PNKD: variants seen among roughly 807,000 people sequenced by gnomAD.
PNKD encodes PNKD metallo-beta-lactamase domain containing, also known as probable thioesterase PNKD.
In PNKD, 36 loss-of-function variants were observed where a neutral mutation model predicts 45.3. The observed-to-expected ratio is 0.80, with a 90% CI of 0.61 to 1.05. The LOEUF (loss-of-function observed/expected upper bound fraction) is 1.05, where lower values mean the gene tolerates loss of function less well. Among genes scored for constraint, PNKD ranks in the 50% least tolerant of loss-of-function variants. The pLI, the probability that PNKD is intolerant of heterozygous loss-of-function variation, is 0.00. For missense variants in PNKD, 511 were observed against 506.6 expected, an observed-to-expected ratio of 1.01 and a Z score of -0.08; for synonymous variants, 197 against 210.1, an observed-to-expected ratio of 0.94 and a Z score of 0.54.
intron 2 of PNKD, among the ~76,000 whole-genome samples, chr2:218,303,405 G>A (rs1693322932): frequency 6.6e-6 from 1 of 151,990 alleles, no homozygotes; most frequent in South Asian, 2.1e-4. Flanking sequence ...GATCTGGGTG[G>A]TATTTTAGGA....
At chr2:218,321,078 G>C (rs1302105329) in intron 2 of PNKD, among the ~76,000 whole-genome samples, 2 of 152,026 alleles carry the variant, frequency 1.3e-5, no homozygotes, top group African/African-American at 4.8e-5. Flanking sequence ...TTAATTGTCT[G>C]GCTTGAGATT....
At chr2:218,275,769 T>C (rs1691139186) in intron 2 of PNKD, 2 of 1,063,016 alleles carry the variant, frequency 1.9e-6, no homozygotes, top group East Asian at 5.0e-5. Flanking sequence ...CTCTATACTG[T>C]AGCTGCTCAC....
At chr2:218,304,451 A>C (rs1388940753) in intron 2 of PNKD, among the ~76,000 whole-genome samples, 1 of 152,014 alleles carries the variant, frequency 6.6e-6, no homozygotes, top group Non-Finnish European at 1.5e-5. Context: ...ACCTGTCTTT[A>C]TGTTTTATAA....
rs1000370456 is a variant in PNKD, at chr2:218,270,761, C to G, written c.67+159C>G. 9.6e-6 allele frequency: 4 copies of G among 416,718 alleles called. No homozygotes were observed. The Admixed American group carries it at 1.7e-4, about 18-fold the overall frequency. 25.8% of individuals were successfully genotyped at this position (416,718 alleles called of 1,614,324 possible). A position where few individuals can be genotyped will look rare whatever the true frequency, so the allele number is the denominator to read the frequency against. ...TGCAGAGATGCTCTTTAGAGGTCAC[C>G]CAGTGCATCCCCCCGCCTTCGGGTT... is the stretch of plus-strand genomic sequence containing the variant. On this transcript the variant is annotated intron_variant, in intron 1 of 9. Coordinates refer to ENST00000273077, the MANE Select transcript of PNKD (RefSeq NM_015488.5).
chr2:218,278,295 T>C, intron 2 of PNKD: 2 of 615,014 alleles, frequency 3.3e-6, no homozygotes, highest in Non-Finnish European at 5.7e-6. Context: ...GCTAAAATGC[T>C]ACCTGTCTTG....
Position 218,297,706 on chromosome 2 carries a change from A to AAG in PNKD, c.236+26163_236+26164dup, listed in dbSNP as rs1553664292. On this transcript the variant is annotated intron_variant, in intron 2 of 9. Coordinates refer to ENST00000273077, the MANE Select transcript of PNKD (RefSeq NM_015488.5). ...TCTCAAAAAAAAAAAAAAAAAAAAAAAGAGAGAAGAAAAGAAATCACAGTG... is the reference window on the plus strand; with the variant it reads ...TCTCAAAAAAAAAAAAAAAAAAAAAAAGAGAGAGAAGAAAAGAAATCACAGTG... Among the ~76,000 whole-genome samples the AAG allele has an allele frequency of 1.5e-3, 170 of 117,172 alleles. 8 individuals are homozygous for AAG. The highest frequency in any genetic ancestry group is 2.1e-3 in the Non-Finnish European group (122 of 58,604). 76.9% of individuals were successfully genotyped at this position (117,172 alleles called of 152,430 possible). A position where few individuals can be genotyped will look rare whatever the true frequency, so the allele number is the denominator to read the frequency against.
At chr2:218,309,921 G>A (rs372355344) in intron 2 of PNKD, among the ~76,000 whole-genome samples, 117 of 150,458 alleles carry the variant, frequency 7.8e-4, no homozygotes, top group African/African-American at 2.8e-3. Flanking sequence ...GCGACAGAGC[G>A]AGATTACGTC....
intron 2 of PNKD, among the ~76,000 whole-genome samples, chr2:218,290,302 G>C (rs1480708172): frequency 6.6e-6 from 1 of 152,178 alleles, no homozygotes; most frequent in Non-Finnish European, 1.5e-5. Flanking sequence ...ACTCCCTTAA[G>C]CCTGAGCCAC....
At chr2:218,295,112 G>A (rs1194800433) in intron 2 of PNKD, among the ~76,000 whole-genome samples, 1 of 152,334 alleles carries the variant, frequency 6.6e-6, no homozygotes, top group East Asian at 1.9e-4. Context: ...TTTCTCCAGA[G>A]CCCTTTTTCT....
At chr2:218,275,756 G>C (rs1446074003) in intron 2 of PNKD, 1 of 1,121,702 alleles carries the variant, frequency 8.9e-7, no homozygotes, top group East Asian at 2.5e-5. Flanking sequence ...CATAACATAT[G>C]GGCTCTATAC....
At chr2:218,292,791 T>C (rs1691740744) in intron 2 of PNKD, among the ~76,000 whole-genome samples, 1 of 152,244 alleles carries the variant, frequency 6.6e-6, no homozygotes, top group Non-Finnish European at 1.5e-5. Context: ...GGGGAAGCGT[T>C]CGCTTTGGGT....
At position 218,271,543 on chromosome 2, in the gene PNKD, T is replaced by C. The variant is rs752738498; in HGVS notation, c.230T>C (p.Leu77Pro). ...AAGAACCCCATGAAAGCTGTGGGAC[T>C]GGCCTGGTGAGTTTTAACCACCCCT... is the stretch of plus-strand genomic sequence containing the variant. Reference protein sequence around the residue: ...RGKNPMKAVGLAWYSLYTRTW... With the variant: ...RGKNPMKAVGPAWYSLYTRTW... Residue 77 changes from leucine (L) to proline (P), a missense_variant, in exon 2 of 10, where the codon CTG becomes CCG. Physicochemically the swap from Leu to Pro is moderately conservative, Grantham distance 98. Coordinates refer to ENST00000273077, the MANE Select transcript of PNKD (RefSeq NM_015488.5). 6.2e-7 allele frequency: 1 copy of C among 1,614,130 alleles called. No individual in the cohort carries two copies.
In PNKD at chr2:218,342,096, G is replaced by C. The variant is rs769143232; in HGVS notation, c.733G>C (p.Gly245Arg). The C allele has an allele frequency of 6.2e-7, 1 of 1,613,840 alleles. No individual in the cohort carries two copies. ...VYLLDGEPYK[G>R]PSCLFSGDLL... Reference sequence around the variant, plus strand: ...CCTACTGGATGGGGAGCCCTACAAGGGTCCCTCCTGCCTCTTCTCAGGGGA... The same window carrying C: ...CCTACTGGATGGGGAGCCCTACAAGCGTCCCTCCTGCCTCTTCTCAGGGGA... The change falls in exon 7 of 10, where the codon GGT becomes CGT. Residue 245 changes from glycine (G) to arginine (R), a missense_variant. Transcript: ENST00000273077.
chr2:218,275,431 TGGAA>T (rs1270847336), intron 2 of PNKD: 4 of 1,588,588 alleles, frequency 2.5e-6, no homozygotes, highest in African/African-American at 1.3e-5. Context: ...CCCTCTAGCT[TGGAA>T]GGGAGAGCCC....
At chr2:218,275,276 A>T in intron 2 of PNKD, 1 of 564,920 alleles carries the variant, frequency 1.8e-6, no homozygotes, top group Non-Finnish European at 2.8e-6. Context: ...AGCAACAGTT[A>T]GTCCCTAGCT....
chr2:218,288,676 C>G (rs1692717047), intron 2 of PNKD, among the ~76,000 whole-genome samples: 1 of 152,138 alleles, frequency 6.6e-6, no homozygotes, highest in Non-Finnish European at 1.5e-5. Flanking sequence ...ATATACATAG[C>G]CCCAAATCCG....
intron 2 of PNKD, among the ~76,000 whole-genome samples, chr2:218,332,950 C>T (rs759764129): frequency 2.0e-5 from 3 of 152,166 alleles, no homozygotes; most frequent in Non-Finnish European, 4.4e-5. Context: ...CCTAAAATTC[C>T]ACACTCCTCC....
chr2:218,339,802 A>G lies in PNKD; in HGVS notation c.256A>G (p.Thr86Ala), dbSNP rs1034759299. Residue 86 changes from threonine to alanine, a missense_variant, in exon 3 of 10, where the codon ACC (threonine) becomes GCC (alanine). Transcript: ENST00000273077. Reference sequence around the variant, plus strand: ...CTCTAGGTACAGCCTGTACACCCGCACCTGGCTCGGGTACCTCTTCTACCG... The same window carrying G: ...CTCTAGGTACAGCCTGTACACCCGCGCCTGGCTCGGGTACCTCTTCTACCG... ...GLAWYSLYTR[T>A]WLGYLFYRQQ... 1 of 1,612,788 alleles carries G rather than the reference A, an allele frequency of 6.2e-7. No homozygotes were observed. The highest frequency in any genetic ancestry group is 1.3e-5 in the African/African-American group (1 of 74,730).
rs181671861 is a variant in PNKD at position 218,307,281 on chromosome 2, A to T, written c.237-32502A>T. Among the ~76,000 whole-genome samples the T allele has an allele frequency of 2.4e-3, 371 of 152,074 alleles. 2 individuals carry two copies. The highest frequency in any genetic ancestry group is 8.5e-3 in the African/African-American group (352 of 41,560). ...GTTCGGGATGATTCAAGCGCATTAC[A>T]TTTATTGTGCACTAGATTTCTATTA... On this transcript the variant is annotated intron_variant, in intron 2 of 9. Transcript: ENST00000273077.
Sources: gnomAD v4.1 joint callset for allele counts (sites outside exome capture counted in the v4.1 genomes callset) on GRCh38, gnomAD v4.1.1 for gene constraint, MANE v1.5 for transcripts, NCBI Gene and HGNC (gene_info 2026-07-23, HGNC 2026-07-21) for gene names.